The following CSMD2 variants were observed in gnomAD, a reference collection of about 807,000 sequenced individuals.
The protein encoded by CSMD2 is CUB and sushi domain-containing protein 2.
A neutral mutation model predicts 398.5 loss-of-function variants in CSMD2; 130 were observed. The observed-to-expected ratio is 0.33, with a 90% confidence interval of 0.28 to 0.38. The LOEUF is 0.38. CSMD2 is among the 10% of genes least tolerant of loss of function. The probability of loss-of-function intolerance (pLI) is 1.00; values close to 1 mark genes in which losing one functional copy is unlikely to be tolerated. For synonymous variants in CSMD2, 1,828 were observed against 1,908.5 expected, an observed-to-expected ratio of 0.96 and a Z score of 1.10; for missense variants, 3,829 against 4,764.9, an observed-to-expected ratio of 0.80 and a Z score of 5.78.
intron 3 of CSMD2, among the ~76,000 whole-genome samples, chr1:34,013,057 C>T (rs1647582114): frequency 6.6e-6 from 1 of 152,210 alleles, no homozygotes; most frequent in South Asian, 2.1e-4. Context: ...TAATTGTTCT[C>T]TAGGTGTGAA....
intron 3 of CSMD2, among the ~76,000 whole-genome samples, chr1:33,947,812 A>G (rs952304394): frequency 6.6e-6 from 1 of 152,220 alleles, no homozygotes; most frequent in Non-Finnish European, 1.5e-5. Flanking sequence ...CACTTCTATG[A>G]CAAACTTCAC....
intron 3 of CSMD2, among the ~76,000 whole-genome samples, chr1:33,952,684 ACACACACACACACACACATG>A (rs1405457549): frequency 2.7e-5 from 4 of 145,768 alleles, no homozygotes; most frequent in African/African-American, 1.1e-4. Context: ...TTACACACAC[ACACACACACACACACACATG>A]CACACACACA....
At chr1:33,634,800 C>T (rs1404026186) in intron 31 of CSMD2, among the ~76,000 whole-genome samples, 1 of 152,138 alleles carries the variant, frequency 6.6e-6, no homozygotes, top group Non-Finnish European at 1.5e-5. Flanking sequence ...CCTGGTCTCC[C>T]TCACCTGCAC....
At chr1:33,715,948 T>A (rs1271258401) in intron 20 of CSMD2, among the ~76,000 whole-genome samples, 3 of 151,304 alleles carry the variant, frequency 2.0e-5, no homozygotes, top group Non-Finnish European at 2.9e-5. Context: ...AATGTGGAAG[T>A]GGAATCAGAA....
At chr1:33,580,692 G>A in intron 48 of CSMD2, 61 bp downstream of exon 48, 3 of 1,594,650 alleles carry the variant, frequency 1.9e-6, no homozygotes, top group Non-Finnish European at 2.6e-6. Context: ...GGTCTCCACA[G>A]AGGAGCTTGA....
intron 13 of CSMD2, among the ~76,000 whole-genome samples, chr1:33,756,527 A>T (rs1649044149): frequency 6.6e-6 from 1 of 152,224 alleles, no homozygotes; most frequent in Non-Finnish European, 1.5e-5. Flanking sequence ...GATGATAAGG[A>T]ACCAATCATT....
chr1:33,646,928 A>G, intron 28 of CSMD2, 93 bp from the exon 29 acceptor site: 1 of 1,290,098 alleles, frequency 7.8e-7, no homozygotes, highest in Non-Finnish European at 1.1e-6. Context: ...AGGGCCTCCC[A>G]GGGAGCAAGC....
intron 6 of CSMD2, among the ~76,000 whole-genome samples, chr1:33,831,070 A>C (rs1659493831): frequency 6.6e-6 from 1 of 152,200 alleles, no homozygotes; most frequent in Non-Finnish European, 1.5e-5. Flanking sequence ...GAATGGAACC[A>C]AGTTGGAAAA....
At chr1:34,029,797 T>C (rs1034466181) in intron 3 of CSMD2, among the ~76,000 whole-genome samples, 2 of 152,248 alleles carry the variant, frequency 1.3e-5, no homozygotes, top group African/African-American at 4.8e-5. Context: ...GTCTAGCCTT[T>C]GCAGGGGCCT....
chr1:33,800,766 TCTG>T (rs1655501706), intron 10 of CSMD2, among the ~76,000 whole-genome samples: 1 of 152,086 alleles, frequency 6.6e-6, no homozygotes, highest in Non-Finnish European at 1.5e-5. Context: ...CACAGCCAGA[TCTG>T]GGCGAGGGGA....
chr1:33,981,887 C>T (rs1420672088), intron 3 of CSMD2, among the ~76,000 whole-genome samples: 1 of 152,100 alleles, frequency 6.6e-6, no homozygotes, highest in Non-Finnish European at 1.5e-5. Context: ...GAAGGGGTCC[C>T]CTGTGCAGAT....
At chr1:34,038,121 A>G (rs1165314542) in intron 2 of CSMD2, among the ~76,000 whole-genome samples, 1 of 152,136 alleles carries the variant, frequency 6.6e-6, no homozygotes, top group Non-Finnish European at 1.5e-5. Context: ...CCACCCACTT[A>G]TCTTTGAGAT....
chr1:33,967,676 C>T (rs1037861480), intron 3 of CSMD2, among the ~76,000 whole-genome samples: 11 of 152,342 alleles, frequency 7.2e-5, no homozygotes, highest in South Asian at 2.1e-4. Context: ...GAATGCCTCA[C>T]GGGGCCTTCC....
At position 33,652,183 on chromosome 1, in the gene CSMD2, TTCTC is replaced by T. The variant is rs1399529173; in HGVS notation, c.4586+136_4586+139del. 4.6e-5 allele frequency: 37 copies of T among 809,404 alleles called. 1 individual carries two copies. The highest frequency in any genetic ancestry group is 3.0e-5 in the Non-Finnish European group (15 of 496,838). 50.1% of individuals were successfully genotyped at this position (809,404 alleles called of 1,614,324 possible). A position where few individuals can be genotyped will look rare whatever the true frequency, so the allele number is the denominator to read the frequency against. ...ACGTAGATGTTCAATAAATGCTAGT[TTCTC>T]TCTCTCTCGGCTTCTTCACCTCCCT... On this transcript the variant is annotated intron_variant, in intron 28 of 70. Coordinates refer to ENST00000373381, the MANE Select transcript of CSMD2 (RefSeq NM_001281956.2).
At chr1:33,940,194 C>T (rs529160091) in intron 3 of CSMD2, among the ~76,000 whole-genome samples, 11 of 152,216 alleles carry the variant, frequency 7.2e-5, no homozygotes, top group East Asian at 1.9e-4. Flanking sequence ...TGTCTTCACA[C>T]GGTGTTCTCT....
intron 5 of CSMD2, among the ~76,000 whole-genome samples, chr1:33,871,476 A>G (rs1640456375): frequency 6.6e-6 from 1 of 152,210 alleles, no homozygotes; most frequent in African/African-American, 2.4e-5. Context: ...TTTGTAAAGA[A>G]AAGAAATTTA....
intron 55 of CSMD2, among the ~76,000 whole-genome samples, 173 bp downstream of exon 55, chr1:33,557,561 G>A (rs1026882455): frequency 6.6e-6 from 1 of 151,748 alleles, no homozygotes; most frequent in African/African-American, 2.4e-5. Context: ...GAAGGAATCT[G>A]AAATCCCAGG....
rs12070745 is a variant in CSMD2, at chr1:34,115,948, A to T, written c.188-26755T>A. On this transcript the variant is annotated intron_variant, in intron 1 of 70. Transcript: ENST00000373381. The stretch of plus-strand genomic sequence containing the variant: ...TTGTAGCCACAAAGCAAATAACTAT[A>T]GAAGATGCACCAAAGAATATAAGAA... 7.7e-3 allele frequency among the ~76,000 whole-genome samples: 1,172 copies of T among 152,150 alleles called. 24 individuals are homozygous for T. The highest frequency in any genetic ancestry group is 0.027 in the African/African-American group (1,115 of 41,566).
intron 2 of CSMD2, among the ~76,000 whole-genome samples, chr1:34,044,874 C>T (rs1026071503): frequency 2.0e-5 from 3 of 152,176 alleles, no homozygotes; most frequent in African/African-American, 7.2e-5. Flanking sequence ...GTTTGTCACA[C>T]TGACAGGCTT....
Sources: allele counts gnomAD v4.1 joint callset (sites outside exome capture counted in the v4.1 genomes callset), GRCh38; gene constraint gnomAD v4.1.1; transcripts MANE v1.5; gene names NCBI Gene and HGNC (gene_info 2026-07-23, HGNC 2026-07-21).